The following CD226 variants were observed in gnomAD, a reference collection of about 807,000 sequenced individuals.
CD226 encodes the protein CD226 molecule, also known as CD226 antigen.
A neutral mutation model predicts 34.9 loss-of-function variants in CD226; 24 were observed. The observed-to-expected ratio is 0.69, with a 90% CI of 0.50 to 0.97. The LOEUF (loss-of-function observed/expected upper bound fraction) is 0.97, where lower values mean the gene tolerates loss of function less well. Ranked by LOEUF, CD226 falls within the 50% of genes least tolerant of loss-of-function variation. CD226 has a pLI of 0.00. For synonymous variants in CD226, 148 were observed against 147.4 expected (o/e 1.00, Z -0.03); for missense variants, 397 against 412.7 (o/e 0.96, Z 0.33).
intron 2 of CD226, among the ~76,000 whole-genome samples, chr18:69,923,902 C>A (rs1193810056): frequency 6.7e-6 from 1 of 150,086 alleles, no homozygotes. Flanking sequence ...TGCAGTGAGC[C>A]GAGATCGCGC....
At chr18:69,888,226 T>C (rs993421497) in intron 3 of CD226, among the ~76,000 whole-genome samples, 20 of 152,326 alleles carry the variant, frequency 1.3e-4, no homozygotes, top group African/African-American at 3.6e-4. Context: ...GAGAAATCTT[T>C]GATCAATCAT....
intron 2 of CD226, among the ~76,000 whole-genome samples, chr18:69,930,284 A>C (rs1375982146): frequency 6.6e-6 from 1 of 152,214 alleles, no homozygotes; most frequent in African/African-American, 2.4e-5. Flanking sequence ...AGATGTGAAA[A>C]ATGAGGCAAA....
In CD226 at chr18:69,947,625, G is replaced by A; in HGVS notation, c.-219C>T. 2.6e-6 allele frequency: 1 copy of A among 388,772 alleles called. No homozygotes were observed. The highest frequency in any genetic ancestry group is 4.6e-6 in the Non-Finnish European group (1 of 219,644). The allele number at this position is 388,772 out of a possible 1,614,324, so 24.1% of individuals were successfully genotyped here. ...AGATTTGAGTTTCTTCTCTCTCGGG[G>A]AACCAGTCGGCTTATTTTCGGGCTT... On this transcript the variant is annotated 5_prime_UTR_variant, in exon 1 of 6. Transcript: ENST00000582621.
chr18:69,856,688 A>C lies in CD226; in HGVS notation c.*7626T>G, dbSNP rs1263760281. On this transcript the variant is annotated 3_prime_UTR_variant, in exon 6 of 6. Transcript: ENST00000582621. ...ATCCCAAAATATATAGAGATTAAAC[A>C]ACACATTGTAAATAATTCATGGCTC... 2 of 152,234 alleles carry C rather than the reference A, an allele frequency of 1.3e-5. No homozygotes were observed. Among genetic ancestry groups the C allele is most frequent in the Non-Finnish European group, 2.9e-5 (2 of 68,032 alleles). 9.4% of individuals were successfully genotyped at this position (152,234 alleles called of 1,614,324 possible).
intron 3 of CD226, among the ~76,000 whole-genome samples, chr18:69,880,965 A>G (rs1313681207): frequency 1.3e-5 from 2 of 152,130 alleles, no homozygotes; most frequent in South Asian, 2.1e-4. Flanking sequence ...TTTAAGATTT[A>G]TCATACAGCA....
intron 2 of CD226, among the ~76,000 whole-genome samples, chr18:69,908,263 C>G (rs2055280779): frequency 6.6e-6 from 1 of 152,180 alleles, no homozygotes; most frequent in African/African-American, 2.4e-5. Context: ...TCCTTGGAGG[C>G]AAAAATAATT....
At chr18:69,946,108 C>T (rs1305320400) in intron 2 of CD226, among the ~76,000 whole-genome samples, 1 of 140,260 alleles carries the variant, frequency 7.1e-6, no homozygotes, top group Admixed American at 7.7e-5. Context: ...CGCTTGAGCC[C>T]AGGAGCTGGA....
At chr18:69,946,180 C>CAAAAAAAAAAAAAAAAAAAA (rs60750165) in intron 2 of CD226, among the ~76,000 whole-genome samples, 3 of 66,376 alleles carry the variant, frequency 4.5e-5, no homozygotes, top group Admixed American at 2.3e-4. Flanking sequence ...AAGACTCCAT[C>CAAAAAAAAAAAAAAAAAAAA]AAAAAAAAAA....
chr18:69,923,269 G>A (rs1298796253), intron 2 of CD226, among the ~76,000 whole-genome samples: 1 of 152,116 alleles, frequency 6.6e-6, no homozygotes, highest in Non-Finnish European at 1.5e-5. Flanking sequence ...AAGAAAATCT[G>A]ATAACAAAAT....
intron 3 of CD226, among the ~76,000 whole-genome samples, chr18:69,874,944 T>A (rs899747728): frequency 6.6e-6 from 1 of 152,206 alleles, no homozygotes; most frequent in Non-Finnish European, 1.5e-5. Flanking sequence ...TACTACATTG[T>A]GTCTATGTAC....
chr18:69,902,975 A>C (rs977597862), intron 2 of CD226, among the ~76,000 whole-genome samples: 3 of 152,184 alleles, frequency 2.0e-5, no homozygotes, highest in Non-Finnish European at 2.9e-5. Flanking sequence ...TGTTGACTGC[A>C]TGATGACTAA....
intron 3 of CD226, among the ~76,000 whole-genome samples, chr18:69,880,930 C>T (rs2145208612): frequency 6.6e-6 from 1 of 152,218 alleles, no homozygotes; most frequent in East Asian, 1.9e-4. Flanking sequence ...GAATTACAGG[C>T]GTGAGCCACA....
intron 1 of CD226, 48 bp downstream of exon 1, chr18:69,947,313 A>C: frequency 7.6e-7 from 1 of 1,316,906 alleles, no homozygotes; most frequent in Non-Finnish European, 1.1e-6. Flanking sequence ...CTGTACAAAC[A>C]AAAACAGGAG....
chr18:69,947,980 C>A (rs2055814211), upstream of CD226: 1 of 152,154 alleles, frequency 6.6e-6, no homozygotes, highest in Non-Finnish European at 1.5e-5. Flanking sequence ...TTGCTGATCT[C>A]AGACATTTGC....
chr18:69,960,085 C>T (rs2055922558), upstream of CD226, among the ~76,000 whole-genome samples: 1 of 151,782 alleles, frequency 6.6e-6, no homozygotes, highest in Admixed American at 6.6e-5. Flanking sequence ...ACTAAAAATA[C>T]AAAAATTAGC....
upstream of CD226, among the ~76,000 whole-genome samples, chr18:69,950,828 A>G (rs554303928): frequency 2.6e-5 from 4 of 152,262 alleles, no homozygotes; most frequent in African/African-American, 9.6e-5. Flanking sequence ...TCAGATTTCA[A>G]TTATTAGAAA....
Position 69,895,932 on chromosome 18 carries a change from C to T in CD226, c.496G>A (p.Glu166Lys). 1.9e-6 allele frequency: 3 copies of T among 1,614,122 alleles called. No homozygotes were observed. Among genetic ancestry groups the T allele is most frequent in the Non-Finnish European group, 2.5e-6 (3 of 1,180,036 alleles). ...TCGATCTGACGGGGCTGGATCTTTT[C>T]CCACCTCACTGCCTGCACAGGCCAC... Reference protein sequence around the residue: ...MTWPVQAVRWEKIQPRQIDLL... With the variant: ...MTWPVQAVRWKKIQPRQIDLL... Residue 166 changes from glutamate (E) to lysine (K), a missense_variant, in exon 3 of 6, where the codon GAA becomes AAA. Transcript: ENST00000582621.
intron 2 of CD226, among the ~76,000 whole-genome samples, chr18:69,897,804 T>A (rs1383718652): frequency 6.6e-6 from 1 of 152,194 alleles, no homozygotes; most frequent in African/African-American, 2.4e-5. Context: ...TGAACTAGAA[T>A]ATCATGGCTA....
intron 3 of CD226, among the ~76,000 whole-genome samples, chr18:69,888,355 C>T (rs867464719): frequency 3.8e-4 from 58 of 150,946 alleles, no homozygotes; most frequent in Non-Finnish European, 1.2e-4. Flanking sequence ...ATTTCACAGT[C>T]AGAGTCATTT....
Sources: gnomAD v4.1 joint callset for allele counts (sites outside exome capture counted in the v4.1 genomes callset) on GRCh38, gnomAD v4.1.1 for gene constraint, MANE v1.5 for transcripts, NCBI Gene and HGNC (gene_info 2026-07-23, HGNC 2026-07-21) for gene names.